The following CDH13 variants were observed in gnomAD, a reference collection of about 807,000 sequenced individuals.
CDH13 encodes the protein cadherin-13.
A neutral mutation model predicts 63.8 loss-of-function variants in CDH13; 24 were observed. That is an observed-to-expected ratio of 0.38 (90% confidence interval 0.27 to 0.53). The LOEUF is 0.53. Ranked by LOEUF, CDH13 falls within the 20% of genes least tolerant of loss-of-function variation. The pLI, the probability that CDH13 is intolerant of heterozygous loss-of-function variation, is 0.85. For missense variants in CDH13, 1,049 were observed against 903.1 expected (o/e 1.16, Z -2.07); for synonymous variants, 503 against 355.3 (o/e 1.42, Z -4.67).
chr16:82,898,481 C>T (rs774086907), intron 2 of CDH13, among the ~76,000 whole-genome samples: 5 of 152,182 alleles, frequency 3.3e-5, no homozygotes, highest in African/African-American at 4.8e-5. Flanking sequence ...GCCAAGATCT[C>T]GCCACTGCCC....
At chr16:83,045,683 A>G (rs930575988) in intron 3 of CDH13, among the ~76,000 whole-genome samples, 33 of 151,428 alleles carry the variant, frequency 2.2e-4, no homozygotes, top group African/African-American at 7.5e-4. Context: ...TTCTCAAGGG[A>G]AAAAAACATC....
chr16:83,222,592 T>C (rs1387390943), intron 5 of CDH13, among the ~76,000 whole-genome samples: 1 of 152,136 alleles, frequency 6.6e-6, no homozygotes, highest in East Asian at 1.9e-4. Flanking sequence ...CTGATTAGAC[T>C]TGTACTTGGA....
intron 1 of CDH13, among the ~76,000 whole-genome samples, chr16:82,655,014 T>C (rs1911141354): frequency 6.6e-6 from 1 of 152,228 alleles, no homozygotes. Context: ...TTCTCTTGGC[T>C]CTGGGGTACA....
chr16:83,362,611 G>C (rs1389360906), intron 6 of CDH13, among the ~76,000 whole-genome samples: 1 of 152,182 alleles, frequency 6.6e-6, no homozygotes, highest in Non-Finnish European at 1.5e-5. Flanking sequence ...TGAGGACACA[G>C]AAGCTCAGAA....
chr16:83,649,048 C>A (rs1363910358), intron 8 of CDH13, among the ~76,000 whole-genome samples: 1 of 152,226 alleles, frequency 6.6e-6, no homozygotes, highest in Non-Finnish European at 1.5e-5. Context: ...AAAGAATTCA[C>A]CTTTTTACTT....
intron 10 of CDH13, among the ~76,000 whole-genome samples, chr16:83,700,083 C>G (rs996308865): frequency 1.3e-5 from 2 of 152,194 alleles, no homozygotes; most frequent in Non-Finnish European, 2.9e-5. Flanking sequence ...TTCTGCCCCT[C>G]CTTTCCTTTA....
At chr16:83,102,479 C>A (rs1430111136) in intron 3 of CDH13, among the ~76,000 whole-genome samples, 1 of 152,216 alleles carries the variant, frequency 6.6e-6, no homozygotes, top group Non-Finnish European at 1.5e-5. Flanking sequence ...GTCAGGGGAG[C>A]TTGCAGTAAC....
intron 3 of CDH13, among the ~76,000 whole-genome samples, chr16:83,088,075 A>G (rs1049206832): frequency 3.3e-5 from 5 of 150,574 alleles, no homozygotes; most frequent in African/African-American, 1.2e-4. Flanking sequence ...AGTAATGGCA[A>G]ATACTTAGAA....
At chr16:82,732,864 C>T (rs2033475078) in intron 1 of CDH13, among the ~76,000 whole-genome samples, 2 of 152,218 alleles carry the variant, frequency 1.3e-5, no homozygotes, top group Admixed American at 6.5e-5. Context: ...GTTCCGGATA[C>T]CCATTACAGA....
At chr16:83,215,554 G>A (rs1448315107) in intron 4 of CDH13, among the ~76,000 whole-genome samples, 5 of 151,400 alleles carry the variant, frequency 3.3e-5, no homozygotes, top group African/African-American at 1.2e-4. Context: ...GAACCCTGGC[G>A]TAAAGTTCAT....
chr16:83,169,469 C>A (rs62036628), intron 4 of CDH13, among the ~76,000 whole-genome samples: 7,396 of 152,058 alleles, frequency 0.049, 268 homozygotes, highest in Non-Finnish European at 0.061. Flanking sequence ...CCACCACACC[C>A]GGCCAAGCTT....
chr16:83,193,421 C>T (rs922168287), intron 4 of CDH13, among the ~76,000 whole-genome samples: 2 of 152,324 alleles, frequency 1.3e-5, no homozygotes, highest in African/African-American at 2.4e-5. Flanking sequence ...CAAACCCTAC[C>T]TCCTGGGGAG....
At chr16:82,752,326 G>A (rs1481148833) in intron 1 of CDH13, among the ~76,000 whole-genome samples, 4 of 152,174 alleles carry the variant, frequency 2.6e-5, no homozygotes, top group Non-Finnish European at 2.9e-5. Context: ...AGAGAGCGGC[G>A]TGCAGAAAGG....
intron 1 of CDH13, among the ~76,000 whole-genome samples, chr16:82,662,420 T>C (rs1378775714): frequency 6.6e-6 from 1 of 152,184 alleles, no homozygotes; most frequent in Non-Finnish European, 1.5e-5. Context: ...TAAAAAGAGA[T>C]TTATGTGATG....
Position 83,047,743 on chromosome 16 carries a change from A to G in CDH13, c.366+15525A>G, listed in dbSNP as rs935623292. On this transcript the variant is annotated intron_variant, in intron 3 of 13. Transcript: ENST00000567109. The surrounding 1 kb of genome is among the most constrained non-coding windows in gnomAD (Gnocchi z 4.9). ...TGCTGGAGACAGAATGAATATTGAT[A>G]TTAATAATGCAGATCGTAGTCAATT... Among the ~76,000 whole-genome samples, 1 of 152,256 alleles carries G rather than the reference A, an allele frequency of 6.6e-6. No homozygotes were observed. The highest frequency in any genetic ancestry group is 2.4e-5 in the African/African-American group (1 of 41,468).
intron 1 of CDH13, among the ~76,000 whole-genome samples, chr16:82,771,551 G>A (rs2035265792): frequency 6.6e-6 from 1 of 152,196 alleles, no homozygotes; most frequent in Admixed American, 6.5e-5. Context: ...GAGACAGTGA[G>A]GCAAAGGACA....
intron 5 of CDH13, among the ~76,000 whole-genome samples, chr16:83,298,138 G>A (rs1231875832): frequency 4.6e-5 from 7 of 151,962 alleles, no homozygotes; most frequent in Admixed American, 2.0e-4. Flanking sequence ...AGCTACTCAG[G>A]AGGCTGAGGC....
At chr16:83,311,513 T>C (rs531024331) in intron 5 of CDH13, among the ~76,000 whole-genome samples, 32 of 152,336 alleles carry the variant, frequency 2.1e-4, no homozygotes, top group African/African-American at 7.7e-4. Context: ...ATGTGGATTT[T>C]GTATATACAT....
intron 2 of CDH13, among the ~76,000 whole-genome samples, chr16:82,870,884 A>G (rs1266601161): frequency 6.6e-6 from 1 of 152,214 alleles, no homozygotes; most frequent in East Asian, 1.9e-4. Flanking sequence ...CAGCATAGGG[A>G]TGATTGTAGC....
Sources: gnomAD v4.1 joint callset for allele counts (sites outside exome capture counted in the v4.1 genomes callset) on GRCh38, gnomAD v4.1.1 for gene constraint, Gnocchi (gnomAD v3.1) non-coding constraint, MANE v1.5 for transcripts, NCBI Gene and HGNC (gene_info 2026-07-23, HGNC 2026-07-21) for gene names.